Variants in TAF1A observed in about 807,000 individuals in gnomAD.
TAF1A encodes the protein TATA-box binding protein associated factor, RNA polymerase I subunit A, also known as TATA box-binding protein-associated factor RNA polymerase I subunit A.
A neutral mutation model predicts 61.6 loss-of-function variants in TAF1A; 42 were observed. That is an observed-to-expected ratio of 0.68 (90% CI 0.53 to 0.88). The LOEUF (loss-of-function observed/expected upper bound fraction) is 0.88, where lower values mean the gene tolerates loss of function less well. Ranked by LOEUF, TAF1A falls within the 40% of genes least tolerant of loss-of-function variation. The pLI, the probability that TAF1A is intolerant of heterozygous loss-of-function variation, is 0.00. For missense variants in TAF1A, 424 were observed against 518.7 expected, an observed-to-expected ratio of 0.82 and a Z score of 1.77; for synonymous variants, 179 against 177.7, an observed-to-expected ratio of 1.01 and a Z score of -0.06.
rs1429692474 is a variant in TAF1A at position 222,561,464 on chromosome 1, T to C, written c.1140A>G (p.Pro380=). ...CCCAAAAGTAGCTGAAATGAAAGCCTGGCCACCAGTTTTTCCTGGAGTTCC... is the reference window on the plus strand; with the variant it reads ...CCCAAAAGTAGCTGAAATGAAAGCCCGGCCACCAGTTTTTCCTGGAGTTCC... ...EEWNSRKNWW[P]GFHFSYFWAK... The change falls in exon 10 of 11, where the codon CCA becomes CCG. Residue 380 remains proline (P), a synonymous_variant. Coordinates refer to ENST00000352967, the MANE Select transcript of TAF1A (RefSeq NM_005681.4). 2 of 1,612,904 alleles carry C rather than the reference T, an allele frequency of 1.2e-6. No homozygotes were observed. The highest frequency in any genetic ancestry group is 1.7e-6 in the Non-Finnish European group (2 of 1,179,448).
At chr1:222,578,014 G>A (rs1660642792) in intron 4 of TAF1A, among the ~76,000 whole-genome samples, 1 of 152,124 alleles carries the variant, frequency 6.6e-6, no homozygotes, top group Non-Finnish European at 1.5e-5. Flanking sequence ...CTTCAGAAGG[G>A]TGTTTTCAAG....
chr1:222,563,985 T>C (rs1424660879), intron 8 of TAF1A, 74 bp downstream of exon 8: 7 of 881,996 alleles, frequency 7.9e-6, no homozygotes, highest in Middle Eastern at 2.2e-4. Context: ...ATTTAGCCGA[T>C]GGGCTAAACT....
chr1:222,559,884 C>T (rs1377494084), intron 10 of TAF1A, among the ~76,000 whole-genome samples: 1 of 152,104 alleles, frequency 6.6e-6, no homozygotes, highest in African/African-American at 2.4e-5. Flanking sequence ...TATTTCTAAA[C>T]ATATCATACT....
chr1:222,555,389 T>C (rs947536242), downstream of TAF1A, among the ~76,000 whole-genome samples: 5 of 152,176 alleles, frequency 3.3e-5, no homozygotes, highest in African/African-American at 1.2e-4. Flanking sequence ...CTCAGCCTTA[T>C]AAAAGGAAGA....
At chr1:222,561,611 A>G in intron 9 of TAF1A, 93 bp from the exon 10 acceptor site, 1 of 1,271,100 alleles carries the variant, frequency 7.9e-7, no homozygotes, top group Non-Finnish European at 1.1e-6. Context: ...CAGAAAGATG[A>G]CAAGGAAGAT....
Position 222,563,165 on chromosome 1 carries a change from T to C in TAF1A, c.1085+8A>G. On this transcript the variant is annotated splice_region_variant and intron_variant, in intron 9 of 10. Transcript: ENST00000352967. ...ATGACCTAGTAATAAACACTGTATG[T>C]TTCTTACCCCATTAAGATATTTTTC... is the stretch of plus-strand genomic sequence containing the variant. 6.2e-7 allele frequency: 1 copy of C among 1,602,760 alleles called. No individual in the cohort carries two copies. The highest frequency in any genetic ancestry group is 8.5e-7 in the Non-Finnish European group (1 of 1,171,702).
chr1:222,572,692 T>C (rs1660409212), intron 5 of TAF1A, among the ~76,000 whole-genome samples: 1 of 152,088 alleles, frequency 6.6e-6, no homozygotes, highest in South Asian at 2.1e-4. Flanking sequence ...GCCAAGACAA[T>C]TCAGTGGGAA....
rs115476248 is a variant in TAF1A, at chr1:222,572,577, C to T, written c.605-1912G>A. Among the ~76,000 whole-genome samples, 789 of 152,216 alleles carry T rather than the reference C, an allele frequency of 5.2e-3. 12 individuals carry two copies. The highest frequency in any genetic ancestry group is 0.017 in the African/African-American group (718 of 41,518). On this transcript the variant is annotated intron_variant, in intron 5 of 10. Coordinates refer to ENST00000352967, the MANE Select transcript of TAF1A (RefSeq NM_005681.4). Reference sequence around the variant, plus strand: ...TTCACCATGTTGCCCAGGTTGGTTTCGAACTCCTGAGGGCTCATGCGATCT... The same window carrying T: ...TTCACCATGTTGCCCAGGTTGGTTTTGAACTCCTGAGGGCTCATGCGATCT...
chr1:222,559,164 G>A (rs1659814515), intron 10 of TAF1A, among the ~76,000 whole-genome samples: 1 of 152,200 alleles, frequency 6.6e-6, no homozygotes, highest in Non-Finnish European at 1.5e-5. Context: ...TTCTCCAAAA[G>A]CACATTCGTA....
At chr1:222,563,334 T>C in intron 8 of TAF1A, 38 bp from the exon 9 acceptor site, 1 of 1,599,736 alleles carries the variant, frequency 6.3e-7, no homozygotes, top group Non-Finnish European at 8.5e-7. Flanking sequence ...ACATAAGGTA[T>C]TAAAGTGTAC....
At chr1:222,554,866 G>A (rs1659709087), downstream of TAF1A, among the ~76,000 whole-genome samples, 1 of 152,108 alleles carries the variant, frequency 6.6e-6, no homozygotes, top group Admixed American at 6.6e-5. Flanking sequence ...GGTGTTGACA[G>A]CTTTACAGAG....
downstream of TAF1A, among the ~76,000 whole-genome samples, chr1:222,555,667 T>G (rs1055820615): frequency 6.6e-6 from 1 of 152,174 alleles, no homozygotes; most frequent in Non-Finnish European, 1.5e-5. Context: ...AGTACTGTAT[T>G]ACATACTTGT....
intron 5 of TAF1A, 110 bp downstream of exon 5, chr1:222,577,335 G>A (rs1374286981): frequency 3.7e-6 from 3 of 817,824 alleles, no homozygotes; most frequent in Non-Finnish European, 3.8e-6. Context: ...TAAAAAGTCT[G>A]TTCTCCATAA....
In TAF1A at chr1:222,577,626, T is replaced by A; in HGVS notation, c.423A>T (p.Ala141=). The change falls in exon 5 of 11, where the codon GCA becomes GCT. Residue 141 remains alanine (A), a synonymous_variant. Transcript: ENST00000352967. ...GCATTCCATGATGCAGAAGGTATAA[T>A]GCATGTTGTAAGGAGATCTGCAAAA... The part of the protein sequence containing the change: ...MNYLKISLQH[A]LYLLHHGMLK... 6.2e-7 allele frequency: 1 copy of A among 1,613,876 alleles called. No individual in the cohort carries two copies. The highest frequency in any genetic ancestry group is 8.5e-7 in the Non-Finnish European group (1 of 1,179,854).
intron 5 of TAF1A, 74 bp from the exon 6 acceptor site, chr1:222,570,739 C>T: frequency 2.1e-6 from 3 of 1,416,778 alleles, no homozygotes; most frequent in South Asian, 1.6e-5. Flanking sequence ...ATTTAAAAAA[C>T]TATCTGCGAG....
chr1:222,567,727 C>T (rs1427894483), intron 7 of TAF1A, among the ~76,000 whole-genome samples: 1 of 152,074 alleles, frequency 6.6e-6, no homozygotes, highest in African/African-American at 2.4e-5. Context: ...GTTGATTATA[C>T]AATATACATG....
chr1:222,583,044 G>C (rs1484593173), intron 3 of TAF1A, among the ~76,000 whole-genome samples: 1 of 152,104 alleles, frequency 6.6e-6, no homozygotes, highest in Non-Finnish European at 1.5e-5. Flanking sequence ...AACTAGATAG[G>C]TGTGGTGGTG....
At chr1:222,570,848 G>T (rs540726481) in intron 5 of TAF1A, among the ~76,000 whole-genome samples, 183 bp from the exon 6 acceptor site, 133 of 152,066 alleles carry the variant, frequency 8.7e-4, no homozygotes, top group Admixed American at 1.4e-3. Context: ...GGACAGAAAA[G>T]AATACTTCCT....
chr1:222,587,749 G>T (rs1409692602), intron 2 of TAF1A, among the ~76,000 whole-genome samples: 1 of 152,046 alleles, frequency 6.6e-6, no homozygotes, highest in African/African-American at 2.4e-5. Context: ...ATAAAAATGG[G>T]GGAAAATGCT....
Sources: gnomAD v4.1 joint callset for allele counts (sites outside exome capture counted in the v4.1 genomes callset) on GRCh38, gnomAD v4.1.1 for gene constraint, MANE v1.5 for transcripts, NCBI Gene and HGNC (gene_info 2026-07-23, HGNC 2026-07-21) for gene names.